Variants in ZNF787 observed in about 807,000 individuals in gnomAD.
ZNF787 encodes the protein zinc finger protein 787, also known as TTF-I-interacting peptide 20.
In ZNF787, 7 loss-of-function variants were observed where a neutral mutation model predicts 16.9. That is an observed-to-expected ratio of 0.42 (90% CI 0.24 to 0.78). The LOEUF (loss-of-function observed/expected upper bound fraction) is 0.78. Among genes scored for constraint, ZNF787 ranks in the 30% least tolerant of loss-of-function variants. The pLI, the probability that ZNF787 is intolerant of heterozygous loss-of-function variation, is 0.30. For missense variants in ZNF787, 551 were observed against 589.3 expected, an observed-to-expected ratio of 0.94 and a Z score of 0.67; for synonymous variants, 345 against 270.9, an observed-to-expected ratio of 1.27 and a Z score of -2.69.
At chr19:56,091,919 C>CAGCCGAAGCCGA (rs71184312) in intron 2 of ZNF787, among the ~76,000 whole-genome samples, 4 of 141,950 alleles carry the variant, frequency 2.8e-5, no homozygotes, top group East Asian at 4.0e-4. Context: ...GCCGCAGCCG[C>CAGCCGAAGCCGA]AGCCGAAGCC....
At chr19:56,108,232 G>A (rs985724945) in intron 1 of ZNF787, among the ~76,000 whole-genome samples, 1 of 151,502 alleles carries the variant, frequency 6.6e-6, no homozygotes, top group Admixed American at 6.6e-5. Context: ...CCCCTGCCCA[G>A]TGCTCCCTCC....
At chr19:56,106,875 T>C (rs1040305571) in intron 1 of ZNF787, among the ~76,000 whole-genome samples, 1 of 152,200 alleles carries the variant, frequency 6.6e-6, no homozygotes, top group Non-Finnish European at 1.5e-5. Context: ...ACACACCTCC[T>C]TGGCACAACC....
intron 1 of ZNF787, among the ~76,000 whole-genome samples, chr19:56,108,149 T>A (rs1401830383): frequency 6.6e-6 from 1 of 151,884 alleles, no homozygotes; most frequent in Non-Finnish European, 1.5e-5. Flanking sequence ...CAGGAGACTC[T>A]CTCAGCTCCA....
At chr19:56,092,048 C>CGAA (rs1568523627) in intron 2 of ZNF787, among the ~76,000 whole-genome samples, 16 of 148,678 alleles carry the variant, frequency 1.1e-4, no homozygotes, top group African/African-American at 3.4e-4. Context: ...AAGCCGAAGC[C>CGAA]TCACCCTCAC....
chr19:56,110,550 A>G (rs2029952244), intron 1 of ZNF787, among the ~76,000 whole-genome samples: 1 of 150,568 alleles, frequency 6.6e-6, no homozygotes. Flanking sequence ...AAAAAAAGGG[A>G]AGAGAGCAGT....
intron 1 of ZNF787, among the ~76,000 whole-genome samples, chr19:56,114,348 C>T (rs1257237625): frequency 6.6e-6 from 1 of 151,520 alleles, no homozygotes; most frequent in Non-Finnish European, 1.5e-5. Flanking sequence ...CTCAGTCCTC[C>T]ACTTGCCCCG....
intron 2 of ZNF787, among the ~76,000 whole-genome samples, chr19:56,095,218 G>C (rs1437889621): frequency 6.6e-6 from 1 of 152,188 alleles, no homozygotes; most frequent in Non-Finnish European, 1.5e-5. Context: ...AGAAGGCGGA[G>C]CTCAGGTGGT....
intron 2 of ZNF787, among the ~76,000 whole-genome samples, chr19:56,094,285 G>A (rs1985784976): frequency 6.7e-6 from 1 of 149,576 alleles, no homozygotes; most frequent in African/African-American, 2.5e-5. Context: ...ACCCGCCTTG[G>A]CCTCCCAAAG....
intron 2 of ZNF787, among the ~76,000 whole-genome samples, chr19:56,098,479 T>C (rs971944270): frequency 6.7e-6 from 1 of 148,602 alleles, no homozygotes; most frequent in African/African-American, 2.5e-5. Flanking sequence ...GGCCGCAAGG[T>C]GATGCCGCCC....
chr19:56,092,885 T>C (rs184202340), intron 2 of ZNF787, among the ~76,000 whole-genome samples: 25 of 97,020 alleles, frequency 2.6e-4, no homozygotes, highest in African/African-American at 9.9e-4. Context: ...GGGGATGGCG[T>C]AAGTGGGATA....
intron 1 of ZNF787, among the ~76,000 whole-genome samples, chr19:56,112,380 C>T (rs1205291975): frequency 6.6e-6 from 1 of 152,174 alleles, no homozygotes; most frequent in Non-Finnish European, 1.5e-5. Flanking sequence ...CTCTGACCTC[C>T]GCTGCAGAGA....
chr19:56,088,012 G>A lies in ZNF787; in HGVS notation c.*11C>T, dbSNP rs957205946. 6.1e-4 allele frequency: 587 copies of A among 960,872 alleles called. 2 individuals are homozygous for A. The highest frequency in any genetic ancestry group is 6.5e-4 in the Non-Finnish European group (534 of 819,028). The allele number at this position is 960,872 out of a possible 1,614,324, so 59.5% of individuals were successfully genotyped here. A position where few individuals can be genotyped will look rare whatever the true frequency, so the allele number is the denominator to read the frequency against. ...AGGGGCCCTGCCCGCCCCCCCCCCC[G>A]GGCCCCTCCCCTACCGGCCCTCCCC... On this transcript the variant is annotated 3_prime_UTR_variant, in exon 3 of 3. Transcript: ENST00000610935. This position sits in a 1 kb window ranked among gnomAD's most constrained non-coding sequence, Gnocchi z 8.6.
intron 1 of ZNF787, among the ~76,000 whole-genome samples, chr19:56,116,542 C>T (rs58226838): frequency 6.6e-6 from 1 of 152,026 alleles, no homozygotes; most frequent in African/African-American, 2.4e-5. Flanking sequence ...CTGGGCAACA[C>T]AGCAAAATCC....
intron 1 of ZNF787, among the ~76,000 whole-genome samples, chr19:56,119,459 C>T (rs1355605017): frequency 6.6e-6 from 1 of 152,254 alleles, no homozygotes; most frequent in Non-Finnish European, 1.5e-5. Flanking sequence ...ATTTACTTTA[C>T]ACCCATCTGT....
intron 1 of ZNF787, among the ~76,000 whole-genome samples, chr19:56,120,760 C>T (rs562605414): frequency 8.6e-5 from 13 of 151,618 alleles, no homozygotes; most frequent in African/African-American, 3.1e-4. Flanking sequence ...CCACCACTTC[C>T]GGCCACGACC....
In ZNF787 at chr19:56,117,686, G is replaced by A. The variant is rs150447680; in HGVS notation, c.-11+3486C>T. ...TCCTGTGTCCCGCAGGGGGATCTGT[G>A]TCTTACTCCGTGTCTTATTCACCTC... On this transcript the variant is annotated intron_variant, in intron 1 of 2. Coordinates refer to ENST00000610935, the MANE Select transcript of ZNF787 (RefSeq NM_001002836.4). Among the ~76,000 whole-genome samples, 399 of 152,360 alleles carry A rather than the reference G, an allele frequency of 2.6e-3. 1 individual carries two copies. The highest frequency in any genetic ancestry group is 9.1e-3 in the African/African-American group (379 of 41,578).
intron 1 of ZNF787, among the ~76,000 whole-genome samples, chr19:56,107,939 G>C (rs1036388613): frequency 4.0e-5 from 6 of 151,304 alleles, no homozygotes; most frequent in Non-Finnish European, 8.8e-5. Context: ...GTGTGGGGCA[G>C]TACCTGCCGG....
At chr19:56,119,389 G>C (rs536471664) in intron 1 of ZNF787, among the ~76,000 whole-genome samples, 1 of 152,248 alleles carries the variant, frequency 6.6e-6, no homozygotes, top group Non-Finnish European at 1.5e-5. Flanking sequence ...GGTCACAGAA[G>C]TGGAAGAGAC....
chr19:56,096,858 C>G (rs939777752), intron 2 of ZNF787, among the ~76,000 whole-genome samples: 1 of 152,190 alleles, frequency 6.6e-6, no homozygotes, highest in Admixed American at 6.5e-5. Flanking sequence ...GGCACCGCTC[C>G]CTCCTCAGAA....
Sources: gnomAD v4.1 joint callset for allele counts (sites outside exome capture counted in the v4.1 genomes callset) on GRCh38, gnomAD v4.1.1 for gene constraint, Gnocchi (gnomAD v3.1) non-coding constraint, MANE v1.5 for transcripts, NCBI Gene and HGNC (gene_info 2026-07-23, HGNC 2026-07-21) for gene names.